The following PDE10A variants were observed in gnomAD, a reference collection of about 807,000 sequenced individuals.
PDE10A encodes the protein cAMP and cAMP-inhibited cGMP 3',5'-cyclic phosphodiesterase 10A.
Under a neutral mutation model 97.7 loss-of-function variants are expected in PDE10A, and 39 were observed. That is an observed-to-expected ratio of 0.40 (90% CI 0.31 to 0.52). PDE10A has a LOEUF of 0.52. Among genes scored for constraint, PDE10A ranks in the 20% least tolerant of loss-of-function variants. The pLI is 0.56. For missense variants in PDE10A, 731 were observed against 1,047.8 expected, an observed-to-expected ratio of 0.70 and a Z score of 4.17; for synonymous variants, 371 against 376.8, an observed-to-expected ratio of 0.98 and a Z score of 0.18.
intron 3 of PDE10A, among the ~76,000 whole-genome samples, chr6:165,476,208 T>C (rs191451275): frequency 7.9e-5 from 12 of 151,362 alleles, no homozygotes; most frequent in African/African-American, 2.9e-4. Context: ...AGTATTATAC[T>C]AGAATACAGA....
At chr6:165,839,494 T>A (rs1382716488) in intron 1 of PDE10A, among the ~76,000 whole-genome samples, 1 of 152,170 alleles carries the variant, frequency 6.6e-6, no homozygotes, top group Non-Finnish European at 1.5e-5. Flanking sequence ...CACAACATAT[T>A]TACAACTTCT....
intron 1 of PDE10A, among the ~76,000 whole-genome samples, chr6:165,814,525 G>A (rs927398339): frequency 1.3e-5 from 2 of 151,510 alleles, no homozygotes; most frequent in Admixed American, 6.6e-5. Flanking sequence ...ATTATTTCAC[G>A]GCCATTTCCC....
In PDE10A at chr6:165,883,792, A is replaced by G. The variant is rs1319615858; in HGVS notation, c.-615+103737T>C. 6.6e-5 allele frequency among the ~76,000 whole-genome samples: 10 copies of G among 152,136 alleles called. No homozygotes were observed. In the East Asian group the frequency reaches 1.9e-3, roughly 29 times the overall value. On this transcript the variant is annotated intron_variant, in intron 1 of 19. Transcript: ENST00000366882. ...ATCCCAGCTTCGGTGTTGAACAGTC[A>G]GCACTGATCTACCCTAAGCCGCCCA... is the stretch of plus-strand genomic sequence containing the variant.
chr6:165,613,434 G>A (rs1787587311), intron 1 of PDE10A, among the ~76,000 whole-genome samples: 1 of 152,134 alleles, frequency 6.6e-6, no homozygotes, highest in African/African-American at 2.4e-5. Flanking sequence ...GAGCTCAGAA[G>A]TTCGAGACCA....
chr6:165,355,688 C>T (rs1782977324), intron 18 of PDE10A, among the ~76,000 whole-genome samples: 1 of 152,116 alleles, frequency 6.6e-6, no homozygotes, highest in Non-Finnish European at 1.5e-5. Context: ...TGTGAAAGTA[C>T]ACTTTCATTC....
chr6:165,792,415 G>A (rs1000920701), intron 1 of PDE10A, among the ~76,000 whole-genome samples: 5 of 151,570 alleles, frequency 3.3e-5, no homozygotes. Context: ...CTGCCAGAGG[G>A]CCCGGGGTAG....
chr6:165,657,122 C>T (rs1790007719), intron 1 of PDE10A, among the ~76,000 whole-genome samples: 1 of 152,200 alleles, frequency 6.6e-6, no homozygotes, highest in African/African-American at 2.4e-5. Flanking sequence ...AGGGAAACAA[C>T]CAAAAAAGAC....
At chr6:165,982,064 G>A (rs1562340980) in intron 1 of PDE10A, among the ~76,000 whole-genome samples, 1 of 152,164 alleles carries the variant, frequency 6.6e-6, no homozygotes, top group South Asian at 2.1e-4. Flanking sequence ...ATTAATACAG[G>A]AAAGCTACAA....
chr6:165,397,624 C>T (rs917020492), intron 13 of PDE10A, among the ~76,000 whole-genome samples: 17 of 145,182 alleles, frequency 1.2e-4, no homozygotes, highest in African/African-American at 4.2e-4. Context: ...ATCGCTTGAA[C>T]CTGGGAGGTA....
chr6:165,496,070 G>A (rs867382383), intron 2 of PDE10A, among the ~76,000 whole-genome samples: 9 of 151,942 alleles, frequency 5.9e-5, no homozygotes, highest in Admixed American at 2.6e-4. Context: ...GGGTGGTTGC[G>A]GCAGTCTCCT....
intron 1 of PDE10A, among the ~76,000 whole-genome samples, chr6:165,846,802 C>T (rs1029047077): frequency 6.6e-6 from 1 of 152,222 alleles, no homozygotes; most frequent in Non-Finnish European, 1.5e-5. Context: ...AGCGTCCCTT[C>T]CTTTCTCCCT....
intron 7 of PDE10A, 78 bp from the exon 8 acceptor site, chr6:165,431,550 T>C: frequency 5.0e-6 from 1 of 199,956 alleles, no homozygotes; most frequent in Non-Finnish European, 8.9e-6. Flanking sequence ...ATATACTATA[T>C]ATCATATGTA....
At chr6:165,814,156 A>C (rs943926503) in intron 1 of PDE10A, among the ~76,000 whole-genome samples, 1 of 152,178 alleles carries the variant, frequency 6.6e-6, no homozygotes, top group Non-Finnish European at 1.5e-5. Context: ...TTGGAAACAC[A>C]TGGGGCCAGG....
At chr6:165,862,803 C>G (rs1246019883) in intron 1 of PDE10A, among the ~76,000 whole-genome samples, 2 of 152,046 alleles carry the variant, frequency 1.3e-5, no homozygotes, top group Admixed American at 1.3e-4. Context: ...CTCAGCCTCC[C>G]AAGTAGCTGG....
At chr6:165,402,774 T>G (rs1244519832) in intron 13 of PDE10A, among the ~76,000 whole-genome samples, 1 of 152,214 alleles carries the variant, frequency 6.6e-6, no homozygotes, top group Non-Finnish European at 1.5e-5. Flanking sequence ...ATTCACATTT[T>G]ATAAAATGGC....
At chr6:165,741,161 T>G (rs1431514810) in intron 1 of PDE10A, among the ~76,000 whole-genome samples, 1 of 152,184 alleles carries the variant, frequency 6.6e-6, no homozygotes, top group African/African-American at 2.4e-5. Context: ...TATGAGGTAC[T>G]GGATATGTTT....
intron 1 of PDE10A, among the ~76,000 whole-genome samples, chr6:165,954,320 T>C (rs1262128952): frequency 1.3e-5 from 2 of 152,202 alleles, no homozygotes; most frequent in Admixed American, 6.5e-5. Flanking sequence ...GACGTACTGA[T>C]ATTGCTAAGA....
At chr6:165,553,670 T>C (rs896161707) in intron 1 of PDE10A, among the ~76,000 whole-genome samples, 1 of 152,192 alleles carries the variant, frequency 6.6e-6, no homozygotes, top group African/African-American at 2.4e-5. Context: ...AAGATATTGT[T>C]TCCCACATTC....
At chr6:165,691,388 C>T (rs983501232) in intron 1 of PDE10A, among the ~76,000 whole-genome samples, 2 of 151,952 alleles carry the variant, frequency 1.3e-5, no homozygotes, top group Non-Finnish European at 2.9e-5. Context: ...AGTCACATGC[C>T]GTCCAAGTTT....
Sources: gnomAD v4.1 joint callset for allele counts (sites outside exome capture counted in the v4.1 genomes callset) on GRCh38, gnomAD v4.1.1 for gene constraint, MANE v1.5 for transcripts, NCBI Gene and HGNC (gene_info 2026-07-23, HGNC 2026-07-21) for gene names.